Variants in PRP4K observed in about 807,000 individuals in gnomAD.
The protein encoded by PRP4K is pre-mRNA processing factor kinase PRP4K.
chr6:4,028,789 CATT>C, the PRP4K span, among the ~76,000 whole-genome samples: 2 of 152,124 alleles, frequency 1.3e-5, no homozygotes, highest in South Asian at 4.1e-4. Flanking sequence ...CACTCCCCCT[CATT>C]GTTGTCAACT....
chr6:4,060,535 C>T, the PRP4K span: 2 of 1,613,912 alleles, frequency 1.2e-6, no homozygotes, highest in Non-Finnish European at 1.7e-6. This position sits in a 1 kb window ranked among gnomAD's most constrained non-coding sequence, Gnocchi z 4.7. Flanking sequence ...ACTTGTTGGA[C>T]CAGATTCTGA....
At chr6:4,031,829 T>G in the PRP4K span, 1 of 1,614,046 alleles carries the variant, frequency 6.2e-7, no homozygotes, top group South Asian at 1.1e-5. Flanking sequence ...ATGATTTAGC[T>G]TTGCTAGAAG....
chr6:4,045,514 C>G, the PRP4K span, among the ~76,000 whole-genome samples: 10 of 152,088 alleles, frequency 6.6e-5, no homozygotes, highest in Non-Finnish European at 1.3e-4. Context: ...TTGCACTGGA[C>G]AAAGTTAGGA....
the PRP4K span, among the ~76,000 whole-genome samples, chr6:4,051,309 GT>G: frequency 6.6e-6 from 1 of 151,610 alleles, no homozygotes; most frequent in African/African-American, 2.4e-5. Context: ...TTTTTTGTTT[GT>G]TTTTGTTTGT....
chr6:4,036,159 CAA>C, the PRP4K span, among the ~76,000 whole-genome samples: 5 of 152,070 alleles, frequency 3.3e-5, no homozygotes, highest in African/African-American at 9.7e-5. Context: ...TCACATTAAA[CAA>C]GAGTAAAACT....
chr6:4,040,040 C>T, the PRP4K span, among the ~76,000 whole-genome samples: 1 of 151,876 alleles, frequency 6.6e-6, no homozygotes, highest in Non-Finnish European at 1.5e-5. Flanking sequence ...CGCACCACCA[C>T]ACCCAGCTAA....
the PRP4K span, chr6:4,047,219 T>A: frequency 1.2e-6 from 2 of 1,612,776 alleles, no homozygotes; most frequent in Non-Finnish European, 1.7e-6. Flanking sequence ...GTTTACAGAA[T>A]CTGATGATAT....
At chr6:4,021,834 T>C in the PRP4K span, among the ~76,000 whole-genome samples, 1 of 152,184 alleles carries the variant, frequency 6.6e-6, no homozygotes, top group Non-Finnish European at 1.5e-5. Flanking sequence ...GCGGCATCTG[T>C]GTTGGGGACA....
the PRP4K span, among the ~76,000 whole-genome samples, chr6:4,053,031 A>G: frequency 6.6e-6 from 1 of 152,244 alleles, no homozygotes; most frequent in African/African-American, 2.4e-5. Context: ...CTTTCTTGGA[A>G]ATCGGACAGT....
the PRP4K span, among the ~76,000 whole-genome samples, chr6:4,046,233 G>C: frequency 6.6e-6 from 1 of 152,194 alleles, no homozygotes; most frequent in African/African-American, 2.4e-5. Flanking sequence ...TCTTTTATAA[G>C]GGTTGTACCA....
the PRP4K span, chr6:4,060,683 T>A: frequency 1.5e-6 from 2 of 1,332,984 alleles, no homozygotes; most frequent in South Asian, 1.4e-5. The surrounding 1 kb of genome is among the most constrained non-coding windows in gnomAD (Gnocchi z 4.7). Context: ...AGCAGTTTAT[T>A]AATGTATATA....
At chr6:4,058,088 C>T in the PRP4K span, among the ~76,000 whole-genome samples, 1 of 152,232 alleles carries the variant, frequency 6.6e-6, no homozygotes, top group East Asian at 1.9e-4. Context: ...TCACTGCAGC[C>T]TTGAACCGAA....
chr6:4,048,913 C>A, the PRP4K span: 1 of 663,938 alleles, frequency 1.5e-6, no homozygotes, highest in Non-Finnish European at 2.4e-6. Context: ...GAATAAAATG[C>A]TTTTATTAAA....
chr6:4,051,939 T>A, the PRP4K span: 4 of 941,516 alleles, frequency 4.2e-6, no homozygotes, highest in South Asian at 2.3e-5. Context: ...TTTACCCCAA[T>A]TTTTTTTTTT....
chr6:4,038,889 G>C, the PRP4K span, among the ~76,000 whole-genome samples: 2 of 149,456 alleles, frequency 1.3e-5, no homozygotes, highest in Non-Finnish European at 3.0e-5. Flanking sequence ...TTAAAGCAGG[G>C]AGTTTATGGC....
the PRP4K span, chr6:4,021,521 G>A: frequency 6.4e-7 from 1 of 1,556,782 alleles, no homozygotes; most frequent in Non-Finnish European, 8.7e-7. Context: ...TGCCGAGTGG[G>A]AGCTGCACGG....
chr6:4,049,683 A>G, the PRP4K span: 3 of 1,531,280 alleles, frequency 2.0e-6, no homozygotes, highest in Non-Finnish European at 2.7e-6. Context: ...CTACTTTCTG[A>G]TTCTATTTAT....
At chr6:4,034,552 G>A in the PRP4K span, among the ~76,000 whole-genome samples, 1 of 152,026 alleles carries the variant, frequency 6.6e-6, no homozygotes. Flanking sequence ...TCCTGAAACT[G>A]TATTAGGAAA....
chr6:4,032,197 C>T, the PRP4K span: 1 of 1,613,898 alleles, frequency 6.2e-7, no homozygotes, highest in South Asian at 1.1e-5. Context: ...AAAAGCCCAT[C>T]CAAAAGAAGT....
Sources: gnomAD v4.1 joint callset for allele counts (sites outside exome capture counted in the v4.1 genomes callset) on GRCh38, gnomAD v4.1.1 for gene constraint, Gnocchi (gnomAD v3.1) non-coding constraint, MANE v1.5 for transcripts, NCBI Gene and HGNC (gene_info 2026-07-23, HGNC 2026-07-21) for gene names.